CNTNAP2: variants seen among roughly 807,000 people sequenced by gnomAD.
CNTNAP2 encodes the protein contactin-associated protein-like 2.
In CNTNAP2, 98 loss-of-function variants were observed where a neutral mutation model predicts 155.2. The ratio of observed to expected loss-of-function variants is 0.63; its 90% CI spans 0.54 to 0.75. The LOEUF is 0.75. CNTNAP2 is among the 30% of genes least tolerant of loss of function. The pLI is 0.00. For missense variants in CNTNAP2, 1,727 were observed against 1,688.1 expected (o/e 1.02, Z -0.40); for synonymous variants, 651 against 631.2 (o/e 1.03, Z -0.47).
intron 1 of CNTNAP2, among the ~76,000 whole-genome samples, chr7:146,697,882 T>A (rs1315592029): frequency 1.3e-5 from 2 of 152,216 alleles, no homozygotes; most frequent in Non-Finnish European, 2.9e-5. Flanking sequence ...TTGTTTTACA[T>A]ACTTTCCTGC....
intron 11 of CNTNAP2, among the ~76,000 whole-genome samples, chr7:147,509,212 T>A (rs745814642): frequency 8.5e-5 from 13 of 152,170 alleles, no homozygotes; most frequent in Admixed American, 5.9e-4. Context: ...TCATCCCAAA[T>A]CTGATTTAGG....
intron 8 of CNTNAP2, among the ~76,000 whole-genome samples, chr7:147,293,679 AT>A (rs375187722): frequency 4.1e-3 from 617 of 152,208 alleles, no homozygotes; most frequent in Middle Eastern, 0.01. Context: ...TTTTTTCAAC[AT>A]TCATTAAACC....
chr7:146,233,864 A>G (rs1247965656), intron 1 of CNTNAP2, among the ~76,000 whole-genome samples: 2 of 150,412 alleles, frequency 1.3e-5, no homozygotes, highest in South Asian at 2.1e-4. Flanking sequence ...CCAGTCTATC[A>G]TTGTTGGACA....
chr7:146,765,457 G>A (rs190945334), intron 1 of CNTNAP2, among the ~76,000 whole-genome samples: 78 of 152,276 alleles, frequency 5.1e-4, no homozygotes, highest in African/African-American at 1.7e-3. Flanking sequence ...GTCAAAACTA[G>A]GAAGCACTTT....
chr7:146,461,777 C>T (rs907896902), intron 1 of CNTNAP2, among the ~76,000 whole-genome samples: 11 of 152,146 alleles, frequency 7.2e-5, no homozygotes, highest in African/African-American at 4.8e-5. Context: ...TAAATACCCA[C>T]ACTAGACAGC....
chr7:146,913,196 T>C (rs1252027100), intron 3 of CNTNAP2, among the ~76,000 whole-genome samples: 1 of 152,076 alleles, frequency 6.6e-6, no homozygotes, highest in East Asian at 1.9e-4. Flanking sequence ...GCATAGGGAA[T>C]ATGTAGGATT....
At chr7:148,240,813 G>A (rs936538910) in intron 20 of CNTNAP2, among the ~76,000 whole-genome samples, 1 of 147,834 alleles carries the variant, frequency 6.8e-6, no homozygotes, top group Non-Finnish European at 1.5e-5. Context: ...TACCAAAGCT[G>A]ACGAATTTGG....
intron 5 of CNTNAP2, among the ~76,000 whole-genome samples, chr7:147,113,298 C>A (rs959181043): frequency 6.6e-6 from 1 of 151,924 alleles, no homozygotes; most frequent in Admixed American, 6.6e-5. Flanking sequence ...GCCCCCCTTA[C>A]GATTTCTGGT....
intron 2 of CNTNAP2, among the ~76,000 whole-genome samples, chr7:146,784,842 G>A (rs1802547354): frequency 6.6e-6 from 1 of 152,152 alleles, no homozygotes. Context: ...AATTTCTGGA[G>A]AATGGTCAGG....
intron 1 of CNTNAP2, among the ~76,000 whole-genome samples, chr7:146,316,391 G>A (rs1020595705): frequency 2.6e-5 from 4 of 152,110 alleles, no homozygotes; most frequent in Non-Finnish European, 5.9e-5. Context: ...TTATGCAAAT[G>A]CTGAACCCTG....
intron 15 of CNTNAP2, among the ~76,000 whole-genome samples, chr7:148,011,314 G>C (rs1219954384): frequency 6.6e-6 from 1 of 152,090 alleles, no homozygotes; most frequent in African/African-American, 2.4e-5. Context: ...CCTGTTTTCA[G>C]TTTGGGCTAT....
chr7:147,031,670 C>A (rs940444267), intron 3 of CNTNAP2, among the ~76,000 whole-genome samples: 7 of 152,246 alleles, frequency 4.6e-5, no homozygotes, highest in Non-Finnish European at 1.0e-4. Context: ...GTAATCCCAG[C>A]ACTTTGGGAG....
At chr7:148,170,194 G>C (rs922721347) in intron 17 of CNTNAP2, among the ~76,000 whole-genome samples, 1 of 152,134 alleles carries the variant, frequency 6.6e-6, no homozygotes, top group Non-Finnish European at 1.5e-5. Context: ...TTGATCACCA[G>C]GCAGAAAGAG....
rs978335884 is a variant in CNTNAP2 at position 146,842,590 on chromosome 7, G to A, written c.402+2686G>A. Reference sequence around the variant, plus strand: ...CTGTATAGGAAGCATGGCTTTGGAGGCCTCAAGAAACTTACTATCATGGCA... The same window carrying A: ...CTGTATAGGAAGCATGGCTTTGGAGACCTCAAGAAACTTACTATCATGGCA... On this transcript the variant is annotated intron_variant, in intron 3 of 23. Transcript: ENST00000361727. Among the ~76,000 whole-genome samples, 52 of 152,104 alleles carry A rather than the reference G, an allele frequency of 3.4e-4. 3 individuals are homozygous for A. Among genetic ancestry groups the A allele is most frequent in the Non-Finnish European group, 4.4e-5 (3 of 68,024 alleles).
chr7:148,380,996 C>T (rs559899235), intron 21 of CNTNAP2, among the ~76,000 whole-genome samples: 14 of 152,362 alleles, frequency 9.2e-5, no homozygotes, highest in African/African-American at 3.1e-4. Flanking sequence ...TTAGGTACTG[C>T]CAGGAGCAAA....
chr7:146,185,654 C>T (rs1332767380), intron 1 of CNTNAP2, among the ~76,000 whole-genome samples: 1 of 152,106 alleles, frequency 6.6e-6, no homozygotes, highest in Non-Finnish European at 1.5e-5. Flanking sequence ...CTAGTAAATT[C>T]CAAGGGCTTG....
chr7:147,130,269 A>T, intron 7 of CNTNAP2, among the ~76,000 whole-genome samples: 1 of 150,842 alleles, frequency 6.6e-6, no homozygotes, highest in African/African-American at 2.5e-5. Flanking sequence ...AAGAAAATTA[A>T]AATTAAAAAA....
chr7:147,315,724 C>G (rs1795218661), intron 9 of CNTNAP2, among the ~76,000 whole-genome samples: 1 of 152,042 alleles, frequency 6.6e-6, no homozygotes, highest in Non-Finnish European at 1.5e-5. Context: ...TCTGATCCAC[C>G]CGCCTCAGCC....
intron 3 of CNTNAP2, among the ~76,000 whole-genome samples, chr7:147,016,263 A>G (rs777331364): frequency 7.2e-5 from 11 of 151,938 alleles, no homozygotes; most frequent in Admixed American, 2.0e-4. Flanking sequence ...TCTAACTGTC[A>G]TTGGTGAAAA....
Sources: gnomAD v4.1 joint callset for allele counts (sites outside exome capture counted in the v4.1 genomes callset) on GRCh38, gnomAD v4.1.1 for gene constraint, MANE v1.5 for transcripts, NCBI Gene and HGNC (gene_info 2026-07-23, HGNC 2026-07-21) for gene names.